Variants in AKAP19 observed in about 807,000 individuals in gnomAD.
The protein encoded by AKAP19 is small A-kinase anchoring protein.
the AKAP19 span, among the ~76,000 whole-genome samples, chr2:190,083,655 G>C: frequency 6.9e-6 from 1 of 145,714 alleles, no homozygotes; most frequent in African/African-American, 2.5e-5. Context: ...ACTCTAGGGC[G>C]TGAGTTATGG....
chr2:189,973,601 A>G, the AKAP19 span, among the ~76,000 whole-genome samples: 1 of 152,090 alleles, frequency 6.6e-6, no homozygotes. Context: ...TTGGCTGTGA[A>G]TCCATCTGGT....
the AKAP19 span, among the ~76,000 whole-genome samples, chr2:190,122,643 A>G: frequency 3.9e-5 from 6 of 152,186 alleles, no homozygotes; most frequent in African/African-American, 7.2e-5. Context: ...TGACTCCACA[A>G]TAGTGCTTGG....
At chr2:190,106,012 A>C in the AKAP19 span, among the ~76,000 whole-genome samples, 1 of 152,270 alleles carries the variant, frequency 6.6e-6, no homozygotes, top group African/African-American at 2.4e-5. Flanking sequence ...TGCAAGAAGC[A>C]TAAGTAAGAA....
At chr2:190,038,904 C>CTTTCTTTCTTTCTTTCTTTCTTTCTTTCT in the AKAP19 span, among the ~76,000 whole-genome samples, 5 of 89,890 alleles carry the variant, frequency 5.6e-5, no homozygotes, top group African/African-American at 2.7e-4. Context: ...TTCTTTCTTT[C>CTTTCTTTCTTTCTTTCTTTCTTTCTTTCT]TTCTTCTTCT....
At chr2:189,923,773 G>A in the AKAP19 span, 7 of 1,613,344 alleles carry the variant, frequency 4.3e-6, no homozygotes, top group East Asian at 1.3e-4. Context: ...CGAAACGTCA[G>A]CGTGTATCAG....
the AKAP19 span, among the ~76,000 whole-genome samples, chr2:190,087,005 A>T: frequency 2.2e-3 from 334 of 152,334 alleles, 2 homozygotes; most frequent in African/African-American, 7.4e-3. Flanking sequence ...AGAGCACAAC[A>T]TTGTGAGGTT....
the AKAP19 span, among the ~76,000 whole-genome samples, chr2:190,074,916 A>G: frequency 6.6e-6 from 1 of 152,224 alleles, no homozygotes; most frequent in Admixed American, 6.5e-5. Flanking sequence ...AGTATCATAC[A>G]CTATGATGTA....
the AKAP19 span, among the ~76,000 whole-genome samples, chr2:190,015,466 C>T: frequency 6.6e-6 from 1 of 152,224 alleles, no homozygotes; most frequent in African/African-American, 2.4e-5. Context: ...CAGCAAAGCC[C>T]TGGGCTCAGC....
At chr2:190,021,714 G>T in the AKAP19 span, among the ~76,000 whole-genome samples, 2 of 152,206 alleles carry the variant, frequency 1.3e-5, no homozygotes, top group Non-Finnish European at 2.9e-5. Flanking sequence ...ATTTGCTGTG[G>T]AGGTGCCATT....
chr2:189,997,448 G>C, the AKAP19 span, among the ~76,000 whole-genome samples: 1 of 152,310 alleles, frequency 6.6e-6, no homozygotes, highest in African/African-American at 2.4e-5. Context: ...CTCCTGGGCA[G>C]GGCTTGCCAC....
the AKAP19 span, among the ~76,000 whole-genome samples, chr2:190,040,709 G>A: frequency 1.3e-5 from 2 of 152,174 alleles, no homozygotes; most frequent in African/African-American, 2.4e-5. Context: ...TGTGGTTTAA[G>A]GAAGGGGTTC....
At chr2:190,186,411 A>G in the AKAP19 span, among the ~76,000 whole-genome samples, 1 of 152,184 alleles carries the variant, frequency 6.6e-6, no homozygotes, top group Non-Finnish European at 1.5e-5. This position sits in a 1 kb window ranked among gnomAD's most constrained non-coding sequence, Gnocchi z 5.5. Flanking sequence ...CCCAAGTGTG[A>G]CCACATGGAG....
the AKAP19 span, among the ~76,000 whole-genome samples, chr2:189,891,041 T>G: frequency 6.6e-6 from 1 of 152,226 alleles, no homozygotes; most frequent in African/African-American, 2.4e-5. Flanking sequence ...GTTTTTGCAG[T>G]GGCTGGTATC....
At chr2:189,921,420 G>A in the AKAP19 span, among the ~76,000 whole-genome samples, 1 of 152,162 alleles carries the variant, frequency 6.6e-6, no homozygotes, top group Admixed American at 6.6e-5. Flanking sequence ...ACAACATGAA[G>A]TTATTGGTGA....
chr2:190,062,610 A>T, the AKAP19 span: 4 of 1,608,452 alleles, frequency 2.5e-6, no homozygotes, highest in Non-Finnish European at 3.4e-6. Flanking sequence ...TTTAAAATCA[A>T]TATAATCTTT....
At chr2:189,908,188 A>G in the AKAP19 span, among the ~76,000 whole-genome samples, 1 of 132,214 alleles carries the variant, frequency 7.6e-6, no homozygotes, top group African/African-American at 2.7e-5. Context: ...GTAGATGTTT[A>G]TTACTATATA....
At chr2:189,932,657 G>A in the AKAP19 span, among the ~76,000 whole-genome samples, 1 of 148,922 alleles carries the variant, frequency 6.7e-6, no homozygotes, top group Admixed American at 6.7e-5. Context: ...AGTGAGTCAG[G>A]ATAGTGCCAC....
chr2:189,941,787 AC>A, the AKAP19 span, among the ~76,000 whole-genome samples: 1 of 152,210 alleles, frequency 6.6e-6, no homozygotes, highest in East Asian at 1.9e-4. Context: ...GAGAAAATCA[AC>A]AACAAATTGG....
the AKAP19 span, among the ~76,000 whole-genome samples, chr2:190,181,900 C>G: frequency 6.6e-6 from 1 of 152,174 alleles, no homozygotes; most frequent in African/African-American, 2.4e-5. Flanking sequence ...AAACACCTAA[C>G]ATGGCTATCA....
Sources: gnomAD v4.1 joint callset for allele counts (sites outside exome capture counted in the v4.1 genomes callset) on GRCh38, gnomAD v4.1.1 for gene constraint, Gnocchi (gnomAD v3.1) non-coding constraint, MANE v1.5 for transcripts, NCBI Gene and HGNC (gene_info 2026-07-23, HGNC 2026-07-21) for gene names.